PKNOX2: variants seen among roughly 807,000 people sequenced by gnomAD.
The protein encoded by PKNOX2 is homeobox protein PKNOX2.
A neutral mutation model predicts 53.1 loss-of-function variants in PKNOX2; 14 were observed. The ratio of observed to expected loss-of-function variants is 0.26; its 90% CI spans 0.17 to 0.41. PKNOX2 has a LOEUF of 0.41. Ranked by LOEUF, PKNOX2 falls within the 10% of genes least tolerant of loss-of-function variation. The pLI is 1.00. For missense variants in PKNOX2, 496 were observed against 602.8 expected (o/e 0.82, Z 1.85); for synonymous variants, 257 against 242.8 (o/e 1.06, Z -0.54).
At chr11:125,345,650 C>T (rs776862827) in intron 3 of PKNOX2, among the ~76,000 whole-genome samples, 10 of 152,166 alleles carry the variant, frequency 6.6e-5, no homozygotes, top group Non-Finnish European at 1.0e-4. Flanking sequence ...CAAGATTCAT[C>T]GCTATGAGTT....
intron 10 of PKNOX2, among the ~76,000 whole-genome samples, chr11:125,420,045 G>A (rs996740106): frequency 6.6e-6 from 1 of 151,392 alleles, no homozygotes; most frequent in Admixed American, 6.6e-5. Context: ...AAAATAGCCA[G>A]GCATGGTGGT....
At chr11:125,268,985 G>A (rs1426921359) in intron 2 of PKNOX2, among the ~76,000 whole-genome samples, 1 of 152,024 alleles carries the variant, frequency 6.6e-6, no homozygotes. Flanking sequence ...AGGGCAGGGG[G>A]GCTGCTGTTC....
chr11:125,181,922 C>T (rs373152995), intron 1 of PKNOX2, among the ~76,000 whole-genome samples: 23 of 152,168 alleles, frequency 1.5e-4, no homozygotes, highest in African/African-American at 4.1e-4. Context: ...GTCCACCTCC[C>T]GAAATTCCCA....
At chr11:125,383,270 C>T (rs1271816631) in intron 5 of PKNOX2, among the ~76,000 whole-genome samples, 1 of 152,058 alleles carries the variant, frequency 6.6e-6, no homozygotes, top group Non-Finnish European at 1.5e-5. Context: ...TCTGTGTGCT[C>T]CGTCACGGTG....
intron 1 of PKNOX2, among the ~76,000 whole-genome samples, chr11:125,172,001 A>T (rs1408582910): frequency 1.3e-5 from 2 of 152,222 alleles, no homozygotes; most frequent in Non-Finnish European, 2.9e-5. Context: ...ACCAGGACAG[A>T]GTGGAGTCAC....
At chr11:125,272,081 C>A (rs1191860244) in intron 2 of PKNOX2, among the ~76,000 whole-genome samples, 1 of 152,238 alleles carries the variant, frequency 6.6e-6, no homozygotes, top group Non-Finnish European at 1.5e-5. Context: ...TATCCAATAA[C>A]CCTGGCCTCA....
rs2136210043 is a variant in PKNOX2 at position 125,352,975 on chromosome 11, T to C, written c.87+1583T>C. ...GGAGCCCTCAACTGATGGGAACCTT[T>C]TGCCTCCCAAGAAAGAAGTGAGAGA... is the stretch of plus-strand genomic sequence containing the variant. On this transcript the variant is annotated intron_variant, in intron 4 of 12. Transcript: ENST00000298282. This position sits in a 1 kb window ranked among gnomAD's most constrained non-coding sequence, Gnocchi z 4.1. 6.6e-6 allele frequency among the ~76,000 whole-genome samples: 1 copy of C among 152,094 alleles called. No homozygotes were observed. Among genetic ancestry groups the C allele is most frequent in the East Asian group, 1.9e-4 (1 of 5,196 alleles).
intron 4 of PKNOX2, 91 bp downstream of exon 4, chr11:125,351,483 C>G: frequency 1.2e-6 from 1 of 828,186 alleles, no homozygotes; most frequent in Admixed American, 2.3e-5. Flanking sequence ...TTCCAGGGGC[C>G]GACGGGCAGA....
At chr11:125,392,326 G>T (rs1954100245) in intron 6 of PKNOX2, among the ~76,000 whole-genome samples, 1 of 152,254 alleles carries the variant, frequency 6.6e-6, no homozygotes, top group South Asian at 2.1e-4. Flanking sequence ...AGCGGGCTCG[G>T]ACTCAAATCC....
chr11:125,341,837 C>T (rs1230535088), intron 3 of PKNOX2, among the ~76,000 whole-genome samples: 1 of 152,282 alleles, frequency 6.6e-6, no homozygotes, highest in East Asian at 1.9e-4. Context: ...CGCGCCACGT[C>T]CTCTCGCATC....
rs943154716 is a variant in PKNOX2 at position 125,264,353 on chromosome 11, T to A, written c.-130+29238T>A. The stretch of plus-strand genomic sequence containing the variant: ...AGCTCCTTCCCCAGATCCCTTGGAA[T>A]GCAGCTCAGGCTATGGTGGGCCTGG... On this transcript the variant is annotated intron_variant, in intron 2 of 12. Coordinates refer to ENST00000298282, the MANE Select transcript of PKNOX2 (RefSeq NM_001382323.2). Among the ~76,000 whole-genome samples the A allele has an allele frequency of 5.9e-5, 9 of 152,338 alleles. No homozygotes were observed. In the South Asian group the frequency reaches 1.9e-3, roughly 32 times the overall value.
Position 125,336,499 on chromosome 11 carries a change from T to C in PKNOX2, c.-23+4574T>C, listed in dbSNP as rs1049874469. Among the ~76,000 whole-genome samples the C allele has an allele frequency of 2.7e-4, 41 of 149,562 alleles. 1 individual carries two copies. The highest frequency in any genetic ancestry group is 8.5e-4 in the African/African-American group (35 of 41,016). On this transcript the variant is annotated intron_variant, in intron 3 of 12. Coordinates refer to ENST00000298282, the MANE Select transcript of PKNOX2 (RefSeq NM_001382323.2). ...ATAGCATTATATGTACTATATAACA[T>C]ATATACACCATATATAATATATCCT...
intron 3 of PKNOX2, among the ~76,000 whole-genome samples, chr11:125,336,852 G>T (rs1950459419): frequency 6.8e-6 from 1 of 146,172 alleles, no homozygotes; most frequent in Admixed American, 6.9e-5. Context: ...TATATAATAT[G>T]TAATATTATA....
At chr11:125,342,073 G>A (rs549265838) in intron 3 of PKNOX2, among the ~76,000 whole-genome samples, 3 of 152,288 alleles carry the variant, frequency 2.0e-5, no homozygotes, top group South Asian at 2.1e-4. Flanking sequence ...AAGGGCACAC[G>A]TTGGCTGGGT....
At chr11:125,407,097 A>C (rs1351250733) in intron 7 of PKNOX2, among the ~76,000 whole-genome samples, 3 of 151,984 alleles carry the variant, frequency 2.0e-5, no homozygotes, top group African/African-American at 7.3e-5. Context: ...CTTGGACTCT[A>C]TCTCTGAAGG....
At chr11:125,374,051 G>A (rs58479484) in intron 5 of PKNOX2, among the ~76,000 whole-genome samples, 2,241 of 152,216 alleles carry the variant, frequency 0.015, 47 homozygotes, top group African/African-American at 0.048. Context: ...TGTAGCAGCC[G>A]CCTGGTCAGG....
At chr11:125,305,629 C>T (rs1948389952) in intron 2 of PKNOX2, among the ~76,000 whole-genome samples, 2 of 152,178 alleles carry the variant, frequency 1.3e-5, no homozygotes, top group Admixed American at 6.5e-5. Context: ...AAAGAAATGG[C>T]TGTAAACAGG....
intron 2 of PKNOX2, among the ~76,000 whole-genome samples, chr11:125,320,284 A>ACAG (rs1949446614): frequency 6.6e-6 from 1 of 152,202 alleles, no homozygotes; most frequent in South Asian, 2.1e-4. Context: ...CTTTTCTAAC[A>ACAG]CAGCAGAGAT....
intron 1 of PKNOX2, among the ~76,000 whole-genome samples, chr11:125,195,183 C>G (rs1219898454): frequency 6.6e-6 from 1 of 152,124 alleles, no homozygotes; most frequent in Non-Finnish European, 1.5e-5. Flanking sequence ...TTTAATTGTA[C>G]CCCACCTAAA....
Sources: gnomAD v4.1 joint callset for allele counts (sites outside exome capture counted in the v4.1 genomes callset) on GRCh38, gnomAD v4.1.1 for gene constraint, Gnocchi (gnomAD v3.1) non-coding constraint, MANE v1.5 for transcripts, NCBI Gene and HGNC (gene_info 2026-07-23, HGNC 2026-07-21) for gene names.